The following MEOX1 variants were observed in gnomAD, a reference collection of about 807,000 sequenced individuals.
MEOX1 encodes the protein mesenchyme homeobox 1, also known as homeobox protein MOX-1.
MEOX1 carries 17 observed loss-of-function variants against 23.2 expected under a neutral mutation model. The observed-to-expected ratio is 0.73, with a 90% CI of 0.50 to 1.10. The LOEUF is 1.10. Ranked by LOEUF, MEOX1 falls within the 50% of genes least tolerant of loss-of-function variation. MEOX1 has a pLI of 0.00. For missense variants in MEOX1, 333 were observed against 332.2 expected (o/e 1.00, Z -0.02); for synonymous variants, 134 against 135.1 (o/e 0.99, Z 0.06).
chr17:43,659,269 G>C (rs563597467), intron 1 of MEOX1, among the ~76,000 whole-genome samples: 1 of 152,300 alleles, frequency 6.6e-6, no homozygotes, highest in Non-Finnish European at 1.5e-5. Flanking sequence ...CTTCAACCAG[G>C]TTCAGAGCCA....
At chr17:43,642,161 C>T in intron 2 of MEOX1, 129 bp from the exon 3 acceptor site, 2 of 977,132 alleles carry the variant, frequency 2.0e-6, no homozygotes, top group Non-Finnish European at 3.0e-6. Flanking sequence ...CCACTCCCTA[C>T]TCCCTCAAAG....
intron 1 of MEOX1, among the ~76,000 whole-genome samples, chr17:43,654,835 G>A (rs1011220963): frequency 7.3e-5 from 11 of 151,412 alleles, no homozygotes; most frequent in Non-Finnish European, 1.6e-4. Context: ...AGTGGATCAC[G>A]AGGTCAGGAG....
intron 1 of MEOX1, among the ~76,000 whole-genome samples, chr17:43,649,137 C>T (rs116419397): frequency 1.4e-3 from 214 of 152,278 alleles, no homozygotes; most frequent in African/African-American, 4.9e-3. Context: ...TGGCATGTCA[C>T]TGAAGCTCTG....
chr17:43,643,906 C>A (rs1405661211), intron 1 of MEOX1, among the ~76,000 whole-genome samples: 1 of 108,978 alleles, frequency 9.2e-6, no homozygotes, highest in East Asian at 3.3e-4. Context: ...CCCAAACTTT[C>A]TTTTATTCCC....
intron 1 of MEOX1, among the ~76,000 whole-genome samples, chr17:43,648,401 G>A (rs1972849357): frequency 6.6e-6 from 1 of 151,498 alleles, no homozygotes; most frequent in Non-Finnish European, 1.5e-5. Flanking sequence ...CCTGGGAGGC[G>A]GAGCTTGCAG....
At chr17:43,647,855 T>A (rs1168659085) in intron 1 of MEOX1, among the ~76,000 whole-genome samples, 1 of 152,128 alleles carries the variant, frequency 6.6e-6, no homozygotes, top group African/African-American at 2.4e-5. Flanking sequence ...CTCAGCTAAC[T>A]CCCTGTGTGA....
intron 1 of MEOX1, among the ~76,000 whole-genome samples, chr17:43,649,290 C>CT (rs10694288): frequency 0.041 from 3,509 of 86,100 alleles, 87 homozygotes; most frequent in African/African-American, 0.047. Flanking sequence ...GGCCTTTCAG[C>CT]TTTTTTTTTT....
At chr17:43,649,738 G>A (rs1325294356) in intron 1 of MEOX1, among the ~76,000 whole-genome samples, 1 of 152,178 alleles carries the variant, frequency 6.6e-6, no homozygotes, top group Admixed American at 6.6e-5. Flanking sequence ...CCAGAACTGC[G>A]GAGGGAGGAT....
At chr17:43,645,411 TC>T (rs1972788239) in intron 1 of MEOX1, among the ~76,000 whole-genome samples, 1 of 152,076 alleles carries the variant, frequency 6.6e-6, no homozygotes, top group African/African-American at 2.4e-5. Context: ...TCTCCTGACC[TC>T]GTGATCTGCC....
intron 1 of MEOX1, among the ~76,000 whole-genome samples, chr17:43,646,300 C>A (rs971931216): frequency 2.0e-5 from 3 of 152,118 alleles, no homozygotes; most frequent in Admixed American, 2.0e-4. Flanking sequence ...CCGCCAGCGC[C>A]GCGCCCCCTC....
chr17:43,654,489 C>T (rs1458503555), intron 1 of MEOX1, among the ~76,000 whole-genome samples: 2 of 151,732 alleles, frequency 1.3e-5, no homozygotes, highest in African/African-American at 2.4e-5. Flanking sequence ...GCCAGAGCAA[C>T]AGCAAGACTC....
chr17:43,650,242 T>G (rs1478280569), intron 1 of MEOX1, among the ~76,000 whole-genome samples: 2 of 152,140 alleles, frequency 1.3e-5, no homozygotes, highest in Non-Finnish European at 2.9e-5. Flanking sequence ...TTAGAGATGA[T>G]CAATGTCACC....
intron 1 of MEOX1, among the ~76,000 whole-genome samples, chr17:43,659,594 G>A (rs541570199): frequency 7.2e-4 from 110 of 152,238 alleles, no homozygotes; most frequent in African/African-American, 2.5e-3. Flanking sequence ...GGTTTCCTAC[G>A]ACAGGATTTT....
Position 43,661,549 on chromosome 17 carries a change from A to C in MEOX1, c.-15T>G, listed in dbSNP as rs1973144946. 7 of 1,458,828 alleles carry C rather than the reference A, an allele frequency of 4.8e-6. No individual in the cohort carries two copies. Among genetic ancestry groups the C allele is most frequent in the Non-Finnish European group, 6.4e-6 (7 of 1,087,724 alleles). 90.4% of individuals were successfully genotyped at this position (1,458,828 alleles called of 1,614,324 possible). A position where few individuals can be genotyped will look rare whatever the true frequency, so the allele number is the denominator to read the frequency against. On this transcript the variant is annotated 5_prime_UTR_variant, in exon 1 of 3. Transcript: ENST00000318579. Reference sequence around the variant, plus strand: ...GCGGGATCCATCTGCTGTCCGCTGCACGCCTCGGTCCTTTCAAAGATTTGA... The same window carrying C: ...GCGGGATCCATCTGCTGTCCGCTGCCCGCCTCGGTCCTTTCAAAGATTTGA...
At position 43,641,822 on chromosome 17, in the gene MEOX1, G is replaced by T; in HGVS notation, c.*88C>A. 7.2e-7 allele frequency: 1 copy of T among 1,389,658 alleles called. No homozygotes were observed. The highest frequency in any genetic ancestry group is 9.8e-7 in the Non-Finnish European group (1 of 1,023,364). 86.1% of individuals were successfully genotyped at this position (1,389,658 alleles called of 1,614,324 possible). A position where few individuals can be genotyped will look rare whatever the true frequency, so the allele number is the denominator to read the frequency against. On this transcript the variant is annotated 3_prime_UTR_variant, in exon 3 of 3. Transcript: ENST00000318579. The stretch of plus-strand genomic sequence containing the variant: ...AAGATGTGGAGAGGCTGCCCTGGCT[G>T]GGGAAGGAAGAGGGTGAAGGTGGGA...
intron 1 of MEOX1, among the ~76,000 whole-genome samples, chr17:43,650,524 G>A (rs763800532): frequency 6.6e-6 from 1 of 152,172 alleles, no homozygotes; most frequent in Non-Finnish European, 1.5e-5. Context: ...CTCATGTCAC[G>A]CTGCCCTCGG....
chr17:43,650,185 G>T (rs991571264), intron 1 of MEOX1, among the ~76,000 whole-genome samples: 4 of 151,716 alleles, frequency 2.6e-5, no homozygotes, highest in African/African-American at 9.7e-5. Context: ...CTTCTTTTAG[G>T]CTTTCACAGA....
intron 1 of MEOX1, among the ~76,000 whole-genome samples, chr17:43,649,101 CGGGCG>C (rs1972864452): frequency 6.6e-6 from 1 of 152,110 alleles, no homozygotes; most frequent in African/African-American, 2.4e-5. Flanking sequence ...AGCTGGATAG[CGGGCG>C]TTAACACCTA....
intron 1 of MEOX1, among the ~76,000 whole-genome samples, chr17:43,651,944 G>A (rs1972924812): frequency 6.6e-6 from 1 of 151,604 alleles, no homozygotes; most frequent in Non-Finnish European, 1.5e-5. Context: ...ACTTTCTCCA[G>A]AGTTTCCGAC....
Sources: allele counts gnomAD v4.1 joint callset (sites outside exome capture counted in the v4.1 genomes callset), GRCh38; gene constraint gnomAD v4.1.1; transcripts MANE v1.5; gene names NCBI Gene and HGNC (gene_info 2026-07-23, HGNC 2026-07-21).